The following GLI2 variants were observed in gnomAD, a reference collection of about 807,000 sequenced individuals.
GLI2 encodes GLI family zinc finger 2.
In GLI2, 22 loss-of-function variants were observed where a neutral mutation model predicts 78.9. The ratio of observed to expected loss-of-function variants is 0.28; its 90% CI spans 0.20 to 0.40. The LOEUF is 0.40. Ranked by LOEUF, GLI2 falls within the 10% of genes least tolerant of loss-of-function variation. The pLI, the probability that GLI2 is intolerant of heterozygous loss-of-function variation, is 1.00. For missense variants in GLI2, 2,097 were observed against 2,213.2 expected (o/e 0.95, Z 1.05); for synonymous variants, 974 against 963.7 (o/e 1.01, Z -0.20).
chr2:120,821,751 G>A (rs1403771766), intron 2 of GLI2, among the ~76,000 whole-genome samples: 3 of 152,162 alleles, frequency 2.0e-5, no homozygotes, highest in Admixed American at 6.5e-5. Flanking sequence ...AGTGCTTTAC[G>A]AGGTTGCCTA....
Position 120,800,047 on chromosome 2 carries a change from A to G in GLI2, c.148+2579A>G, listed in dbSNP as rs1684620477. On this transcript the variant is annotated intron_variant, in intron 2 of 13. Coordinates refer to ENST00000361492, the MANE Select transcript of GLI2 (RefSeq NM_001374353.1). The surrounding 1 kb of genome is among the most constrained non-coding windows in gnomAD (Gnocchi z 4.1). ...GGAGAAAGGGTGGCATTGGTGAAGG[A>G]GGAAGTCTTCATGGGCCAGAAGCGT... Among the ~76,000 whole-genome samples the G allele has an allele frequency of 6.6e-6, 1 of 152,098 alleles. No homozygotes were observed. The highest frequency in any genetic ancestry group is 1.5e-5 in the Non-Finnish European group (1 of 68,018).
At chr2:120,942,285 A>C (rs78300533) in intron 3 of GLI2, among the ~76,000 whole-genome samples, 3,083 of 152,226 alleles carry the variant, frequency 0.02, 120 homozygotes, top group African/African-American at 0.071. Context: ...CTGGAACAAG[A>C]TCGAGGTGTC....
intron 5 of GLI2, among the ~76,000 whole-genome samples, chr2:120,956,385 A>G (rs1681263491): frequency 6.6e-6 from 1 of 152,042 alleles, no homozygotes; most frequent in Admixed American, 6.5e-5. Flanking sequence ...CCTGTTAGAC[A>G]CGAAGTCCTT....
chr2:120,987,751 T>A (rs898470340), intron 13 of GLI2, among the ~76,000 whole-genome samples: 2 of 152,116 alleles, frequency 1.3e-5, no homozygotes, highest in Non-Finnish European at 2.9e-5. Context: ...AACTCAGTCC[T>A]ACGGAGAGGC....
intron 8 of GLI2, among the ~76,000 whole-genome samples, chr2:120,972,334 G>C (rs751881069): frequency 2.2e-4 from 34 of 152,226 alleles, no homozygotes; most frequent in Non-Finnish European, 4.1e-4. Context: ...TCTTGTCTCA[G>C]GCTGCATCTG....
At chr2:120,984,418 C>G in intron 11 of GLI2, 53 bp from the exon 12 acceptor site, 1 of 1,590,258 alleles carries the variant, frequency 6.3e-7, no homozygotes, top group South Asian at 1.1e-5. Context: ...AGCGCCCCTT[C>G]AGAGTTGATC....
At chr2:120,814,061 A>G (rs1205775361) in intron 2 of GLI2, among the ~76,000 whole-genome samples, 4 of 151,712 alleles carry the variant, frequency 2.6e-5, no homozygotes, top group East Asian at 3.9e-4. Context: ...GGGAGCTGGC[A>G]TGGTTATCCC....
At chr2:120,828,771 T>C (rs763522112) in intron 2 of GLI2, among the ~76,000 whole-genome samples, 4 of 152,038 alleles carry the variant, frequency 2.6e-5, no homozygotes, top group Non-Finnish European at 5.9e-5. Context: ...AAAGGAATAA[T>C]TTATTTGGTC....
chr2:120,899,418 CACACACACACAT>C (rs972466222), intron 2 of GLI2, among the ~76,000 whole-genome samples: 60 of 148,616 alleles, frequency 4.0e-4, no homozygotes, highest in African/African-American at 1.3e-3. Flanking sequence ...CACACACACA[CACACACACACAT>C]ACACACATGC....
chr2:120,933,951 C>T (rs975919050), intron 3 of GLI2, among the ~76,000 whole-genome samples: 4 of 151,964 alleles, frequency 2.6e-5, no homozygotes, highest in Non-Finnish European at 5.9e-5. Context: ...CAGAAACTGC[C>T]CCATGCAGAG....
intron 3 of GLI2, among the ~76,000 whole-genome samples, chr2:120,938,820 A>G (rs1680314476): frequency 1.3e-5 from 2 of 152,200 alleles, no homozygotes; most frequent in South Asian, 2.1e-4. Flanking sequence ...GCAGTCACAC[A>G]CATTCACCAC....
At chr2:120,789,152 C>A (rs1398018645) in intron 1 of GLI2, among the ~76,000 whole-genome samples, 1 of 151,766 alleles carries the variant, frequency 6.6e-6, no homozygotes, top group South Asian at 2.1e-4. Context: ...CTGCCTCAGC[C>A]TCCTCAGTAG....
intron 2 of GLI2, among the ~76,000 whole-genome samples, chr2:120,906,790 C>T (rs892297427): frequency 6.6e-6 from 1 of 152,204 alleles, no homozygotes; most frequent in Non-Finnish European, 1.5e-5. Flanking sequence ...AGGTAGTTAG[C>T]ATCCTTCCTC....
rs779569677 is a variant in GLI2 at position 120,990,537 on chromosome 2, C to G, written c.4572C>G (p.Ser1524=). The part of the protein sequence containing the change: ...PSLLHSLSQN[S]SRLTTPRNSL... Reference sequence around the variant, plus strand: ...TCCTCCACAGCCTCTCCCAGAACTCCTCCCGCCTCACCACCCCCCGAAACT... The same window carrying G: ...TCCTCCACAGCCTCTCCCAGAACTCGTCCCGCCTCACCACCCCCCGAAACT... Residue 1524 remains serine, a synonymous_variant, in exon 14 of 14, where the codon TCC becomes TCG. Transcript: ENST00000361492. The G allele has an allele frequency of 1.2e-6, 2 of 1,614,060 alleles. No individual in the cohort carries two copies. Among genetic ancestry groups the G allele is most frequent in the Non-Finnish European group, 1.7e-6 (2 of 1,179,972 alleles).
Position 120,989,047 on chromosome 2 carries a change from G to C in GLI2, c.3082G>C (p.Asp1028His). The C allele has an allele frequency of 6.2e-7, 1 of 1,607,746 alleles. No homozygotes were observed. The highest frequency in any genetic ancestry group is 8.5e-7 in the Non-Finnish European group (1 of 1,179,328). ...GATGGAGGCCGTGGCGGCAGGAGTG[G>C]ACGGCGCGGGGCCCGAGGCCGACCT... ...VAMEAVAAGV[D>H]GAGPEADLGL... Residue 1028 changes from aspartate to histidine, a missense_variant, in exon 14 of 14, where the codon GAC becomes CAC. Asp to His is a moderately conservative substitution (Grantham distance 81). This residue lies in a region of GLI2 where 1,290 missense variants were observed against 1,261.7 expected (regional missense o/e 1.02). Transcript: ENST00000361492.
At chr2:120,893,833 C>A (rs1229749770) in intron 2 of GLI2, among the ~76,000 whole-genome samples, 1 of 152,166 alleles carries the variant, frequency 6.6e-6, no homozygotes, top group Non-Finnish European at 1.5e-5. Flanking sequence ...ATTCTGCCTC[C>A]TTAGTCCAGG....
chr2:120,977,531 T>G, intron 9 of GLI2, among the ~76,000 whole-genome samples: 1 of 150,690 alleles, frequency 6.6e-6, no homozygotes. Flanking sequence ...TTAGACAGTG[T>G]GGGTCTAGAG....
intron 1 of GLI2, among the ~76,000 whole-genome samples, chr2:120,773,058 C>T (rs1277129864): frequency 6.6e-6 from 1 of 152,150 alleles, no homozygotes; most frequent in African/African-American, 2.4e-5. Flanking sequence ...CTTAACCAGC[C>T]CCTTATTTTT....
At chr2:120,804,372 C>T (rs187538355) in intron 2 of GLI2, among the ~76,000 whole-genome samples, 1 of 152,296 alleles carries the variant, frequency 6.6e-6, no homozygotes, top group East Asian at 1.9e-4. Flanking sequence ...CAGCAGACAT[C>T]CCATAGGGGA....
Sources: gnomAD v4.1 joint callset for allele counts (sites outside exome capture counted in the v4.1 genomes callset) on GRCh38, gnomAD v4.1.1 for gene constraint, gnomAD v4.1.1 regional missense constraint, Gnocchi (gnomAD v3.1) non-coding constraint, MANE v1.5 for transcripts, NCBI Gene and HGNC (gene_info 2026-07-23, HGNC 2026-07-21) for gene names.